GRM1: variants seen among roughly 807,000 people sequenced by gnomAD.
The protein encoded by GRM1 is metabotropic glutamate receptor 1.
In GRM1, 33 loss-of-function variants were observed where a neutral mutation model predicts 90.9. The ratio of observed to expected loss-of-function variants is 0.36; its 90% CI spans 0.28 to 0.49. The LOEUF (loss-of-function observed/expected upper bound fraction) is 0.49, where lower values mean the gene tolerates loss of function less well. GRM1 is among the 20% of genes least tolerant of loss of function. The pLI is 0.99. For missense variants in GRM1, 1,190 were observed against 1,534.3 expected (o/e 0.78, Z 3.75); for synonymous variants, 700 against 613.2 (o/e 1.14, Z -2.09).
At position 146,405,250 on chromosome 6, in the gene GRM1, C is replaced by G. The variant is rs2114605907; in HGVS notation, c.2660+5551C>G. 1.3e-5 allele frequency among the ~76,000 whole-genome samples: 2 copies of G among 152,100 alleles called. 1 individual carries two copies. Among genetic ancestry groups the G allele is most frequent in the South Asian group, 4.1e-4 (2 of 4,822 alleles). ...AGGCCAGACCTCTAGATTTGAAGAT[C>G]AATTGTCAAAATATTTAAAGTGCCC... On this transcript the variant is annotated intron_variant, in intron 7 of 7. Coordinates refer to ENST00000282753, the MANE Select transcript of GRM1 (RefSeq NM_001278064.2).
At chr6:146,071,592 T>G (rs2128858709) in intron 1 of GRM1, among the ~76,000 whole-genome samples, 1 of 152,270 alleles carries the variant, frequency 6.6e-6, no homozygotes, top group Admixed American at 6.5e-5. Flanking sequence ...CTAAAATCTG[T>G]TACTTTTTAG....
intron 2 of GRM1, among the ~76,000 whole-genome samples, chr6:146,270,050 T>A (rs913323260): frequency 2.0e-5 from 3 of 152,094 alleles, no homozygotes; most frequent in Non-Finnish European, 4.4e-5. Context: ...AGTTTACATA[T>A]TTTTTGCATA....
At chr6:146,182,022 T>G (rs370639881) in intron 2 of GRM1, among the ~76,000 whole-genome samples, 283 of 152,228 alleles carry the variant, frequency 1.9e-3, no homozygotes, top group African/African-American at 6.5e-3. Context: ...ATAAAAAAGT[T>G]GTGAAAGGTT....
rs549772342 is a variant in GRM1 at position 146,399,940 on chromosome 6, AAAG to A, written c.2660+242_2660+244del. ...TCCCTGTTTTCATTTCTTTGAAAGAAAAGGAGCAGGAAACAATCTTTATTCTTG... is the reference window on the plus strand; with the variant it reads ...TCCCTGTTTTCATTTCTTTGAAAGAAGAGCAGGAAACAATCTTTATTCTTG... On this transcript the variant is annotated intron_variant, in intron 7 of 7. Transcript: ENST00000282753. This position sits in a 1 kb window ranked among gnomAD's most constrained non-coding sequence, Gnocchi z 5.4. Among the ~76,000 whole-genome samples, 9 of 152,324 alleles carry A rather than the reference AAAG, an allele frequency of 5.9e-5. No homozygotes were observed. Among genetic ancestry groups the A allele is most frequent in the African/African-American group, 2.2e-4 (9 of 41,588 alleles).
chr6:146,252,570 C>T lies in GRM1; in HGVS notation c.951-52041C>T, dbSNP rs565903361. Among the ~76,000 whole-genome samples, 13 of 150,106 alleles carry T rather than the reference C, an allele frequency of 8.7e-5. No homozygotes were observed. The South Asian group carries it at 1.3e-3, about 15-fold the overall frequency. ...GAGGTTGCAGTGAGAGCTGAGATCC[C>T]GACACTGCACTACAGCCTGGGCGAC... On this transcript the variant is annotated intron_variant, in intron 2 of 7. Coordinates refer to ENST00000282753, the MANE Select transcript of GRM1 (RefSeq NM_001278064.2).
Position 146,434,605 on chromosome 6 carries a change from C to A in GRM1, c.3394C>A (p.Gln1132Lys). 1 of 1,613,336 alleles carries A rather than the reference C, an allele frequency of 6.2e-7. No individual in the cohort carries two copies. The highest frequency in any genetic ancestry group is 8.5e-7 in the Non-Finnish European group (1 of 1,180,020). Reference protein sequence around the residue: ...DELEEEEEDLQAASKLTPDDS... With the variant: ...DELEEEEEDLKAASKLTPDDS... ...ACTGGAAGAGGAGGAGGAGGACCTGCAGGCGGCCAGCAAACTGACCCCGGA... is the reference window on the plus strand; with the variant it reads ...ACTGGAAGAGGAGGAGGAGGACCTGAAGGCGGCCAGCAAACTGACCCCGGA... The change falls in exon 8 of 8, where the codon CAG becomes AAG. Residue 1132 changes from glutamine (Q) to lysine (K), a missense_variant. Physicochemically the swap from Gln to Lys is moderately conservative, Grantham distance 53. This residue lies in a region of GRM1 where 400 missense variants were observed against 360.8 expected (regional missense o/e 1.11). Transcript: ENST00000282753.
At chr6:146,144,982 G>C (rs989345310) in intron 1 of GRM1, among the ~76,000 whole-genome samples, 1 of 152,242 alleles carries the variant, frequency 6.6e-6, no homozygotes, top group Non-Finnish European at 1.5e-5. Flanking sequence ...TGGTAGAACT[G>C]TGTTCATGCC....
At chr6:146,300,154 T>C (rs1260652054) in intron 2 of GRM1, among the ~76,000 whole-genome samples, 3 of 152,224 alleles carry the variant, frequency 2.0e-5, no homozygotes, top group Admixed American at 2.0e-4. Flanking sequence ...TATTATCAGG[T>C]ACACACAATT....
intron 2 of GRM1, among the ~76,000 whole-genome samples, chr6:146,203,836 C>T (rs1270249239): frequency 6.6e-6 from 1 of 152,248 alleles, no homozygotes; most frequent in Non-Finnish European, 1.5e-5. Flanking sequence ...CTTTATCTCT[C>T]ATGTAAATTC....
intron 2 of GRM1, among the ~76,000 whole-genome samples, chr6:146,267,744 T>A (rs1781971949): frequency 6.7e-6 from 1 of 149,280 alleles, no homozygotes; most frequent in Admixed American, 6.8e-5. Flanking sequence ...TCGTCTCGTC[T>A]CGTCTCGTCT....
intron 7 of GRM1, among the ~76,000 whole-genome samples, chr6:146,417,445 A>G (rs1355444835): frequency 1.3e-5 from 2 of 152,176 alleles, no homozygotes; most frequent in Non-Finnish European, 2.9e-5. Flanking sequence ...GAAAACCAAT[A>G]CCTTTCTCAA....
At chr6:146,225,817 T>G (rs1780220923) in intron 2 of GRM1, among the ~76,000 whole-genome samples, 1 of 152,134 alleles carries the variant, frequency 6.6e-6, no homozygotes, top group Admixed American at 6.6e-5. Flanking sequence ...TTAAATTCAC[T>G]TACCAAAACA....
chr6:146,140,655 A>T (rs964376844), intron 1 of GRM1, among the ~76,000 whole-genome samples: 1 of 152,258 alleles, frequency 6.6e-6, no homozygotes, highest in Non-Finnish European at 1.5e-5. Context: ...AAAACTTAAC[A>T]CTGATTGCAA....
At chr6:146,303,892 T>C (rs1477907708) in intron 2 of GRM1, among the ~76,000 whole-genome samples, 3 of 152,188 alleles carry the variant, frequency 2.0e-5, no homozygotes, top group Admixed American at 2.0e-4. Flanking sequence ...TGGGGCTACA[T>C]TACGTCTGGT....
chr6:146,091,828 T>A (rs1776725329), intron 1 of GRM1, among the ~76,000 whole-genome samples: 1 of 152,050 alleles, frequency 6.6e-6, no homozygotes, highest in African/African-American at 2.4e-5. Flanking sequence ...TTCAGATTAA[T>A]TGGGGGGAGT....
At chr6:146,165,076 A>G (rs1777862585) in intron 2 of GRM1, among the ~76,000 whole-genome samples, 2 of 152,058 alleles carry the variant, frequency 1.3e-5, no homozygotes, top group South Asian at 4.1e-4. Flanking sequence ...CACCACCCCC[A>G]GCCCTTTAGC....
chr6:146,414,840 G>C (rs1777714753), intron 7 of GRM1, among the ~76,000 whole-genome samples: 2 of 152,164 alleles, frequency 1.3e-5, no homozygotes, highest in Non-Finnish European at 2.9e-5. Context: ...TTTTGATGAA[G>C]TCCAATTGAT....
chr6:146,074,092 A>G (rs1776104275), intron 1 of GRM1, among the ~76,000 whole-genome samples: 1 of 152,106 alleles, frequency 6.6e-6, no homozygotes, highest in African/African-American at 2.4e-5. Flanking sequence ...GATTTCTGAA[A>G]GAGATACCGA....
At chr6:146,132,285 T>TGG (rs141224118) in intron 1 of GRM1, among the ~76,000 whole-genome samples, 3 of 151,454 alleles carry the variant, frequency 2.0e-5, no homozygotes, top group Admixed American at 1.3e-4. Context: ...GTGGATGTGG[T>TGG]GGGGGGGGAC....
Sources: allele counts gnomAD v4.1 joint callset (sites outside exome capture counted in the v4.1 genomes callset), GRCh38; gene constraint gnomAD v4.1.1; regional missense constraint gnomAD v4.1.1; non-coding constraint Gnocchi (gnomAD v3.1); transcripts MANE v1.5; gene names NCBI Gene and HGNC (gene_info 2026-07-23, HGNC 2026-07-21).